Variants in LRRC7 observed in about 807,000 individuals in gnomAD.
The protein encoded by LRRC7 is leucine rich repeat containing 7.
Under a neutral mutation model 175.7 loss-of-function variants are expected in LRRC7, and 23 were observed. The observed-to-expected ratio is 0.13, with a 90% CI of 0.09 to 0.19. The LOEUF (loss-of-function observed/expected upper bound fraction) is 0.19. LRRC7 is among the 10% of genes least tolerant of loss of function. The pLI is 1.00. For missense variants in LRRC7, 1,354 were observed against 1,904.7 expected (o/e 0.71, Z 5.38); for synonymous variants, 685 against 680.9 (o/e 1.01, Z -0.09).
At position 69,869,761 on chromosome 1, in the gene LRRC7, A is replaced by T. The variant is rs1018747024; in HGVS notation, c.647+31478A>T. ...GAGAGTAGAGAGCTTTGATATAGGG[A>T]ATAATCAATAGAGATCCCAAAGGTA... On this transcript the variant is annotated intron_variant, in intron 7 of 26. Transcript: ENST00000651989. 5.9e-5 allele frequency among the ~76,000 whole-genome samples: 9 copies of T among 152,312 alleles called. No homozygotes were observed. In the South Asian group the frequency reaches 1.7e-3, roughly 28 times the overall value.
chr1:69,667,350 G>GTT (rs1343828307), intron 1 of LRRC7, among the ~76,000 whole-genome samples: 2 of 151,680 alleles, frequency 1.3e-5, no homozygotes, highest in African/African-American at 4.9e-5. Flanking sequence ...TAAGTCTGAT[G>GTT]TTTCCTTGTT....
In LRRC7 at chr1:70,036,890, T is replaced by C. The variant is rs1417921908; in HGVS notation, c.2288+266T>C. Among the ~76,000 whole-genome samples the C allele has an allele frequency of 2.6e-5, 4 of 152,110 alleles. No individual in the cohort carries two copies. The East Asian group carries it at 5.8e-4, about 22-fold the overall frequency. ...AAAATTTAAAAAATAAAAAAAAATG[T>C]GTTTGCCCACTGATACTTATTGATG... On this transcript the variant is annotated intron_variant, in intron 20 of 26. Transcript: ENST00000651989.
At chr1:69,728,922 T>C (rs1667264830) in intron 2 of LRRC7, among the ~76,000 whole-genome samples, 1 of 152,162 alleles carries the variant, frequency 6.6e-6, no homozygotes, top group Non-Finnish European at 1.5e-5. Context: ...TTTAATTAAC[T>C]CACAATTCAG....
chr1:69,635,551 T>C (rs1316923135), intron 1 of LRRC7, among the ~76,000 whole-genome samples: 1 of 152,118 alleles, frequency 6.6e-6, no homozygotes, highest in African/African-American at 2.4e-5. Flanking sequence ...CAAAAAAAGA[T>C]TTTTTAATTG....
intron 26 of LRRC7, among the ~76,000 whole-genome samples, 194 bp downstream of exon 26, chr1:70,108,020 T>A (rs1177004195): frequency 1.3e-5 from 2 of 151,982 alleles, no homozygotes; most frequent in East Asian, 3.9e-4. Context: ...CCTAGCACCT[T>A]ACACAGTACT....
intron 25 of LRRC7, among the ~76,000 whole-genome samples, chr1:70,096,914 A>G (rs893476431): frequency 6.6e-6 from 1 of 152,190 alleles, no homozygotes; most frequent in Non-Finnish European, 1.5e-5. Context: ...ATTCTGCTGA[A>G]TGTGAACTGC....
rs1194749157 is a variant in LRRC7, at chr1:70,132,638, A to AT, written c.*10757dup. ...AGGCGCCTGCCACTGCACCCGGCTA[A>AT]TTTTTTGTATTTTTAGTAGAGACGG... is the stretch of plus-strand genomic sequence containing the variant. On this transcript the variant is annotated 3_prime_UTR_variant, in exon 27 of 27. Transcript: ENST00000651989. Among the ~76,000 whole-genome samples the AT allele has an allele frequency of 6.6e-6, 1 of 151,376 alleles. No homozygotes were observed. Among genetic ancestry groups the AT allele is most frequent in the African/African-American group, 2.4e-5 (1 of 41,200 alleles).
At chr1:69,573,918 A>G (rs539444108) in intron 1 of LRRC7, among the ~76,000 whole-genome samples, 2 of 152,310 alleles carry the variant, frequency 1.3e-5, no homozygotes, top group Admixed American at 1.3e-4. Flanking sequence ...AGTTGTTTAC[A>G]TTGTTTAAAT....
intron 1 of LRRC7, among the ~76,000 whole-genome samples, chr1:69,570,800 C>G (rs1645711116): frequency 6.6e-6 from 1 of 152,050 alleles, no homozygotes; most frequent in Non-Finnish European, 1.5e-5. Flanking sequence ...TTTTATGTTT[C>G]CTTAAGAGTC....
chr1:69,751,415 T>C (rs1346056649), intron 2 of LRRC7, among the ~76,000 whole-genome samples: 1 of 151,912 alleles, frequency 6.6e-6, no homozygotes, highest in Non-Finnish European at 1.5e-5. Context: ...CTGAATTAGA[T>C]TGACTGAATG....
chr1:69,800,001 C>T (rs1676274948), intron 4 of LRRC7, among the ~76,000 whole-genome samples: 1 of 152,062 alleles, frequency 6.6e-6, no homozygotes, highest in Non-Finnish European at 1.5e-5. Context: ...AAGAGGGTGT[C>T]CTTTCCCCAG....
At chr1:69,801,443 G>A (rs906473581) in intron 4 of LRRC7, among the ~76,000 whole-genome samples, 14 of 151,742 alleles carry the variant, frequency 9.2e-5, no homozygotes, top group East Asian at 5.8e-4. Flanking sequence ...TTCAATATTC[G>A]GAGGTTGTAT....
At chr1:69,781,347 C>T (rs949011131) in intron 3 of LRRC7, among the ~76,000 whole-genome samples, 10 of 151,862 alleles carry the variant, frequency 6.6e-5, no homozygotes, top group African/African-American at 2.4e-4. Flanking sequence ...CTTTCCAAAG[C>T]TCAGATCTGA....
In LRRC7 at chr1:69,898,775, G is replaced by A. The variant is rs532981872; in HGVS notation, c.648-32732G>A. Among the ~76,000 whole-genome samples the A allele has an allele frequency of 5.9e-5, 9 of 152,272 alleles. 1 individual carries two copies. The South Asian group carries it at 6.2e-4, about 11-fold the overall frequency. On this transcript the variant is annotated intron_variant, in intron 7 of 26. Coordinates refer to ENST00000651989, the MANE Select transcript of LRRC7 (RefSeq NM_001370785.2). ...AAGAAGCATGTGTCTGACTTGTATC[G>A]CCTGAGCGCCCAATTCACTGACACC...
intron 7 of LRRC7, chr1:69,880,010 A>T (rs1275688538): frequency 6.6e-6 from 1 of 152,186 alleles, no homozygotes; most frequent in Non-Finnish European, 1.5e-5. Context: ...TCCTTAGAAG[A>T]GAGGAGGTTA....
chr1:69,591,085 AT>A (rs1271637984), intron 1 of LRRC7, among the ~76,000 whole-genome samples: 1 of 152,132 alleles, frequency 6.6e-6, no homozygotes, highest in African/African-American at 2.4e-5. Context: ...AATTGGAAAA[AT>A]TAATTCTAAA....
chr1:69,647,458 A>G (rs890187411), intron 1 of LRRC7, among the ~76,000 whole-genome samples: 3 of 152,198 alleles, frequency 2.0e-5, no homozygotes, highest in Admixed American at 1.3e-4. Context: ...AGTTCTAGCA[A>G]CCATCTTTGT....
intron 1 of LRRC7, among the ~76,000 whole-genome samples, chr1:69,613,344 A>G (rs185371886): frequency 2.5e-4 from 38 of 152,158 alleles, no homozygotes; most frequent in African/African-American, 7.9e-4. Context: ...TGAGGGCTCT[A>G]TCCTATGACC....
chr1:70,006,776 G>A (rs1325052580), intron 11 of LRRC7, among the ~76,000 whole-genome samples: 1 of 152,052 alleles, frequency 6.6e-6, no homozygotes, highest in Non-Finnish European at 1.5e-5. Flanking sequence ...TATAAATTGG[G>A]GCTCCCTATC....
Sources: allele counts gnomAD v4.1 joint callset (sites outside exome capture counted in the v4.1 genomes callset), GRCh38; gene constraint gnomAD v4.1.1; transcripts MANE v1.5; gene names NCBI Gene and HGNC (gene_info 2026-07-23, HGNC 2026-07-21).